The following CSMD1 variants were observed in gnomAD, a reference collection of about 807,000 sequenced individuals.
CSMD1 encodes CUB and sushi domain-containing protein 1.
In CSMD1, 213 loss-of-function variants were observed where a neutral mutation model predicts 417.5. The ratio of observed to expected loss-of-function variants is 0.51; its 90% CI spans 0.46 to 0.57. The LOEUF is 0.57. CSMD1 is among the 20% of genes least tolerant of loss of function. CSMD1 has a pLI of 0.00. For missense variants in CSMD1, 6,923 were observed against 4,529.7 expected (o/e 1.53, Z -15.17); for synonymous variants, 2,862 against 1,736.8 (o/e 1.65, Z -16.11).
chr8:4,338,418 A>G (rs1800294507), intron 3 of CSMD1, among the ~76,000 whole-genome samples: 1 of 152,136 alleles, frequency 6.6e-6, no homozygotes, highest in South Asian at 2.1e-4. Flanking sequence ...GGATGAATCA[A>G]GACCTCATCA....
At chr8:3,374,185 C>T (rs757231159) in intron 18 of CSMD1, among the ~76,000 whole-genome samples, 1 of 134,620 alleles carries the variant, frequency 7.4e-6, no homozygotes, top group Admixed American at 7.1e-5. Context: ...AACTCCTGAC[C>T]TCAAGTCATC....
At chr8:4,156,892 G>C (rs1796865257) in intron 3 of CSMD1, among the ~76,000 whole-genome samples, 1 of 152,160 alleles carries the variant, frequency 6.6e-6, no homozygotes, top group Admixed American at 6.5e-5. Flanking sequence ...ATAAAATGGA[G>C]TGCATTTTTC....
intron 7 of CSMD1, among the ~76,000 whole-genome samples, chr8:3,666,930 G>C (rs999724572): frequency 6.6e-6 from 1 of 152,130 alleles, no homozygotes; most frequent in Non-Finnish European, 1.5e-5. Context: ...TGATTTACCA[G>C]GTGTAAGAGA....
intron 18 of CSMD1, among the ~76,000 whole-genome samples, chr8:3,381,242 G>A (rs368497696): frequency 2.4e-4 from 36 of 151,402 alleles, no homozygotes; most frequent in Non-Finnish European, 4.7e-4. Flanking sequence ...GCCCCATGTC[G>A]GTACCTGTTC....
chr8:3,253,684 A>G (rs1382197977), intron 26 of CSMD1, among the ~76,000 whole-genome samples: 1 of 152,022 alleles, frequency 6.6e-6, no homozygotes, highest in Admixed American at 6.6e-5. Flanking sequence ...GTAGGTCTCT[A>G]AGGACTTGCT....
chr8:4,106,785 A>T (rs1477891138), intron 3 of CSMD1, among the ~76,000 whole-genome samples: 1 of 152,120 alleles, frequency 6.6e-6, no homozygotes, highest in Non-Finnish European at 1.5e-5. Context: ...ACAGTGGCTG[A>T]CGGCGATGGT....
chr8:3,948,803 C>A (rs1392516456), intron 5 of CSMD1, among the ~76,000 whole-genome samples: 1 of 149,688 alleles, frequency 6.7e-6, no homozygotes, highest in African/African-American at 2.5e-5. Context: ...GTTTTACTAC[C>A]CAGTTATCAT....
At chr8:4,101,349 C>G (rs2130879208) in intron 3 of CSMD1, among the ~76,000 whole-genome samples, 1 of 152,266 alleles carries the variant, frequency 6.6e-6, no homozygotes, top group South Asian at 2.1e-4. Context: ...ATGGGCAGCC[C>G]TAACCAATAC....
At chr8:4,131,428 C>G (rs575666206) in intron 3 of CSMD1, among the ~76,000 whole-genome samples, 6 of 152,204 alleles carry the variant, frequency 3.9e-5, no homozygotes, top group Non-Finnish European at 8.8e-5. Flanking sequence ...TCTCTCTCAA[C>G]TACCCCTGAG....
At chr8:4,151,148 G>A (rs1796552700) in intron 3 of CSMD1, among the ~76,000 whole-genome samples, 1 of 152,138 alleles carries the variant, frequency 6.6e-6, no homozygotes, top group African/African-American at 2.4e-5. Context: ...TACATTAGAA[G>A]AGCCAATCTT....
chr8:3,705,590 A>G (rs1801123466), intron 7 of CSMD1, among the ~76,000 whole-genome samples: 1 of 152,242 alleles, frequency 6.6e-6, no homozygotes, highest in South Asian at 2.1e-4. Flanking sequence ...AATAAAAAAT[A>G]CTAAGATGGA....
Position 3,305,782 on chromosome 8 carries a change from C to G in CSMD1, c.3950+1913G>C, listed in dbSNP as rs572032745. Reference sequence around the variant, plus strand: ...GCAGGCTCCACCTCCTGGGTTCACACCATTCTCCTGCCTCAGCCTCCCGAG... The same window carrying G: ...GCAGGCTCCACCTCCTGGGTTCACAGCATTCTCCTGCCTCAGCCTCCCGAG... On this transcript the variant is annotated intron_variant, in intron 25 of 69. Coordinates refer to ENST00000635120, the MANE Select transcript of CSMD1 (RefSeq NM_033225.6). Among the ~76,000 whole-genome samples, 19 of 152,286 alleles carry G rather than the reference C, an allele frequency of 1.2e-4. No homozygotes were observed. The South Asian group carries it at 1.9e-3, about 15-fold the overall frequency.
At chr8:3,254,284 C>T (rs949032025) in intron 26 of CSMD1, among the ~76,000 whole-genome samples, 9 of 152,266 alleles carry the variant, frequency 5.9e-5, no homozygotes, top group African/African-American at 2.2e-4. Context: ...GTAACCCGAC[C>T]TTTCTCTCTG....
chr8:3,273,661 G>T (rs1802045651), intron 26 of CSMD1, among the ~76,000 whole-genome samples: 1 of 152,290 alleles, frequency 6.6e-6, no homozygotes, highest in Non-Finnish European at 1.5e-5. Flanking sequence ...TTAGTCTTGG[G>T]AGAGTGTATG....
At chr8:3,677,869 T>C (rs1243333552) in intron 7 of CSMD1, among the ~76,000 whole-genome samples, 2 of 152,174 alleles carry the variant, frequency 1.3e-5, no homozygotes, top group Non-Finnish European at 2.9e-5. Context: ...GCTGAAGCCA[T>C]TTCAGCCCTT....
At chr8:4,977,486 G>A (rs889301577) in intron 1 of CSMD1, among the ~76,000 whole-genome samples, 5 of 152,156 alleles carry the variant, frequency 3.3e-5, no homozygotes, top group Non-Finnish European at 7.4e-5. Flanking sequence ...CATCTCTTCT[G>A]GGCTTTCTTC....
At chr8:4,539,021 G>A (rs57929542) in intron 2 of CSMD1, among the ~76,000 whole-genome samples, 1,643 of 152,224 alleles carry the variant, frequency 0.011, 34 homozygotes, top group African/African-American at 0.038. Flanking sequence ...TCCCTTGTCA[G>A]GCAACGTTAT....
chr8:3,490,223 T>C (rs570874661), intron 11 of CSMD1, among the ~76,000 whole-genome samples: 43 of 152,336 alleles, frequency 2.8e-4, no homozygotes, highest in Middle Eastern at 6.8e-3. Context: ...TGCATTATGT[T>C]TCCCAAAGGG....
At position 3,890,975 on chromosome 8, in the gene CSMD1, G is replaced by T. The variant is rs557313456; in HGVS notation, c.818+106928C>A. ...GACTCTCTCAATAACCTGTGAAATG[G>T]ATGTTATGGACATTTTATAGCTAAG... On this transcript the variant is annotated intron_variant, in intron 5 of 69. Transcript: ENST00000635120. 3.3e-5 allele frequency among the ~76,000 whole-genome samples: 5 copies of T among 152,096 alleles called. No homozygotes were observed. The East Asian group carries it at 9.7e-4, about 29-fold the overall frequency.
Sources: gnomAD v4.1 joint callset for allele counts (sites outside exome capture counted in the v4.1 genomes callset) on GRCh38, gnomAD v4.1.1 for gene constraint, MANE v1.5 for transcripts, NCBI Gene and HGNC (gene_info 2026-07-23, HGNC 2026-07-21) for gene names.